TMEM230: variants seen among roughly 807,000 people sequenced by gnomAD.
The protein encoded by TMEM230 is UPF0414 transmembrane protein C20orf30.
A neutral mutation model predicts 15.8 loss-of-function variants in TMEM230; 10 were observed. The ratio of observed to expected loss-of-function variants is 0.63; its 90% confidence interval spans 0.39 to 1.07. The LOEUF is 1.07. Ranked by LOEUF, TMEM230 falls within the 50% of genes least tolerant of loss-of-function variation. The pLI is 0.01. For synonymous variants in TMEM230, 67 were observed against 76.9 expected (o/e 0.87, Z 0.68); for missense variants, 165 against 193.3 (o/e 0.85, Z 0.87).
downstream of TMEM230, chr20:5,099,720 T>G: frequency 2.5e-6 from 1 of 394,752 alleles, no homozygotes; most frequent in Non-Finnish European, 3.2e-6. Context: ...AGGCTTCCAG[T>G]TGCCCAAGTC....
chr20:5,104,242 T>C (rs73074142), intron 4 of TMEM230, among the ~76,000 whole-genome samples: 9,834 of 152,258 alleles, frequency 0.065, 445 homozygotes, highest in Non-Finnish European at 0.097. Context: ...TTAAAAAATA[T>C]AGACACAAGG....
rs146514212 is a variant in TMEM230, at chr20:5,092,154, A to G, written c.222+14034T>C. ...CACACTGAGATACTGAACTTCTTTT[A>G]TTGCTGGTCTGATACGATTGACAAG... On this transcript the variant is annotated intron_variant, in intron 3 of 3. Transcript: ENST00000612323. 7.2e-3 allele frequency among the ~76,000 whole-genome samples: 1,100 copies of G among 152,238 alleles called. 7 individuals are homozygous for G. The highest frequency in any genetic ancestry group is 0.012 in the South Asian group (56 of 4,824).
At position 5,112,953 on chromosome 20, in the gene TMEM230, C is replaced by G; in HGVS notation, c.68+8G>C. The G allele has an allele frequency of 6.5e-7, 1 of 1,550,162 alleles. No homozygotes were observed. Among genetic ancestry groups the G allele is most frequent in the African/African-American group, 1.4e-5 (1 of 73,166 alleles). ...TTCTGTCCCCGCCCTGCCGCACACA[C>G]GCCTTACCGGAGCGCCGCGCCAGGC... On this transcript the variant is annotated splice_region_variant and intron_variant, in intron 1 of 4. Coordinates refer to ENST00000342308, the MANE Select transcript of TMEM230 (RefSeq NM_001009923.2).
intron 4 of TMEM230, among the ~76,000 whole-genome samples, chr20:5,103,616 G>A (rs2089954974): frequency 1.3e-5 from 2 of 149,170 alleles, no homozygotes; most frequent in Admixed American, 6.7e-5. Context: ...GGATGACACA[G>A]TGAGATTCTG....
chr20:5,071,580 G>A (rs1055601795), intron 3 of TMEM230, among the ~76,000 whole-genome samples: 3 of 146,682 alleles, frequency 2.0e-5, no homozygotes, highest in South Asian at 2.1e-4. Context: ...CCAAGATCGC[G>A]CCATTGCACT....
intron 3 of TMEM230, among the ~76,000 whole-genome samples, chr20:5,086,742 C>T (rs534141395): frequency 2.5e-4 from 37 of 150,566 alleles, no homozygotes; most frequent in Non-Finnish European, 4.6e-4. Context: ...CTCTGTTGCT[C>T]AGAGTGGAGT....
intron 3 of TMEM230, among the ~76,000 whole-genome samples, chr20:5,081,460 G>A (rs374654099): frequency 5.3e-5 from 8 of 152,192 alleles, no homozygotes; most frequent in African/African-American, 9.7e-5. Flanking sequence ...GCACCCCGGC[G>A]GAGCAGCAGA....
chr20:5,087,318 T>G (rs1250865832), intron 3 of TMEM230, among the ~76,000 whole-genome samples: 1 of 152,064 alleles, frequency 6.6e-6, no homozygotes, highest in African/African-American at 2.4e-5. Context: ...TTTCCAGCCT[T>G]CACTCCAAAG....
intron 3 of TMEM230, among the ~76,000 whole-genome samples, chr20:5,094,021 T>C (rs547386364): frequency 1.3e-4 from 20 of 149,806 alleles, no homozygotes; most frequent in African/African-American, 3.9e-4. Flanking sequence ...TGGCACAATC[T>C]TGGCTTGGCT....
At chr20:5,075,309 C>T (rs1265980402) in intron 3 of TMEM230, among the ~76,000 whole-genome samples, 5 of 146,332 alleles carry the variant, frequency 3.4e-5, no homozygotes, top group Non-Finnish European at 6.1e-5. Context: ...AGGTGATCCA[C>T]CCGTCTCGGC....
At chr20:5,090,577 A>G (rs892863677) in intron 3 of TMEM230, among the ~76,000 whole-genome samples, 3 of 152,186 alleles carry the variant, frequency 2.0e-5, no homozygotes, top group Non-Finnish European at 4.4e-5. Flanking sequence ...TTAACTAGAG[A>G]CAGATACATA....
chr20:5,060,073 G>C, the TMEM230 span, among the ~76,000 whole-genome samples: 1 of 151,656 alleles, frequency 6.6e-6, no homozygotes, highest in African/African-American at 2.4e-5. Flanking sequence ...CTCCCAGCCA[G>C]CTAATGTTTT....
intron 2 of TMEM230, among the ~76,000 whole-genome samples, chr20:5,110,524 T>C (rs1285759691): frequency 1.3e-5 from 2 of 152,082 alleles, no homozygotes; most frequent in Non-Finnish European, 2.9e-5. Context: ...ACCTCAAGTG[T>C]TCTGCCCAAC....
chr20:5,092,729 AAAAG>A (rs1453589245), intron 3 of TMEM230, among the ~76,000 whole-genome samples: 2 of 152,036 alleles, frequency 1.3e-5, no homozygotes, highest in Middle Eastern at 3.2e-3. Context: ...AAAAAAAAAA[AAAAG>A]AGAGAGAGAG....
intron 3 of TMEM230, among the ~76,000 whole-genome samples, chr20:5,088,892 G>C (rs150955483): frequency 2.3e-3 from 351 of 152,310 alleles, no homozygotes; most frequent in African/African-American, 8.0e-3. Flanking sequence ...ACTGTTAAAT[G>C]ACATCAAGTT....
intron 3 of TMEM230, among the ~76,000 whole-genome samples, chr20:5,083,317 A>T (rs2122607936): frequency 7.2e-6 from 1 of 138,332 alleles, no homozygotes; most frequent in African/African-American, 2.7e-5. Flanking sequence ...TTTTAGGAGC[A>T]GAGGTTTAAT....
In TMEM230 at chr20:5,100,930, C is replaced by T. The variant is rs777380818; in HGVS notation, c.413G>A (p.Gly138Glu). 1 of 1,613,974 alleles carries T rather than the reference C, an allele frequency of 6.2e-7. No individual in the cohort carries two copies. Among genetic ancestry groups the T allele is most frequent in the Admixed American group, 1.7e-5 (1 of 59,980 alleles). ...CAGCACTGGAACGGCCCGGTCTGCCCCCTGGTGGCAGAAGGAGGCAAACAC... is the reference window on the plus strand; with the variant it reads ...CAGCACTGGAACGGCCCGGTCTGCCTCCTGGTGGCAGAAGGAGGCAAACAC... The change falls in exon 5 of 5, where the codon GGG (glycine) becomes GAG (glutamate). Residue 138 changes from glycine to glutamate, a missense_variant and splice_region_variant. Gly to Glu is a moderately conservative substitution (Grantham distance 98). Transcript: ENST00000342308.
chr20:5,106,767 G>A (rs2090112285), intron 3 of TMEM230, among the ~76,000 whole-genome samples: 1 of 152,102 alleles, frequency 6.6e-6, no homozygotes, highest in African/African-American at 2.4e-5. Flanking sequence ...GTGCAGTGGT[G>A]CAATTACAGC....
At chr20:5,088,222 T>C (rs756213790) in intron 3 of TMEM230, among the ~76,000 whole-genome samples, 3 of 150,206 alleles carry the variant, frequency 2.0e-5, no homozygotes, top group South Asian at 2.1e-4. Context: ...CACAGGAGAA[T>C]TGCTTGAACC....
Sources: gnomAD v4.1 joint callset for allele counts (sites outside exome capture counted in the v4.1 genomes callset) on GRCh38, gnomAD v4.1.1 for gene constraint, MANE v1.5 for transcripts, NCBI Gene and HGNC (gene_info 2026-07-23, HGNC 2026-07-21) for gene names.